Variants in FKBP9 observed in about 807,000 individuals in gnomAD.
FKBP9 encodes peptidyl-prolyl cis-trans isomerase FKBP9.
A neutral mutation model predicts 55.6 loss-of-function variants in FKBP9; 27 were observed. The observed-to-expected ratio is 0.49, with a 90% CI of 0.36 to 0.67. FKBP9 has a LOEUF of 0.67. Ranked by LOEUF, FKBP9 falls within the 30% of genes least tolerant of loss-of-function variation. FKBP9 has a pLI of 0.00. For synonymous variants in FKBP9, 267 were observed against 296.5 expected, an observed-to-expected ratio of 0.90 and a Z score of 1.02; for missense variants, 539 against 742.8, an observed-to-expected ratio of 0.73 and a Z score of 3.19.
At chr7:32,982,017 G>A (rs1224755818) in intron 5 of FKBP9, among the ~76,000 whole-genome samples, 1 of 144,836 alleles carries the variant, frequency 6.9e-6, no homozygotes, top group Non-Finnish European at 1.5e-5. Context: ...TTTTTCCAAT[G>A]TCTGGATTTT....
intron 2 of FKBP9, 66 bp downstream of exon 2, chr7:32,974,828 A>G (rs573908012): frequency 1.4e-6 from 2 of 1,420,582 alleles, no homozygotes; most frequent in Admixed American, 2.1e-5. Flanking sequence ...TAGGATGTTA[A>G]GTCAAACAGA....
chr7:32,982,501 T>C (rs922284967), intron 5 of FKBP9, among the ~76,000 whole-genome samples: 7 of 152,152 alleles, frequency 4.6e-5, no homozygotes, highest in African/African-American at 1.4e-4. Flanking sequence ...ATTTTTTACA[T>C]CTACATGGCG....
rs190468859 is a variant in FKBP9, at chr7:32,994,013, C to A, written c.1040-2150C>A. Among the ~76,000 whole-genome samples the A allele has an allele frequency of 2.0e-3, 311 of 152,278 alleles. 2 individuals are homozygous for A. Among genetic ancestry groups the A allele is most frequent in the African/African-American group, 7.2e-3 (299 of 41,556 alleles). The stretch of plus-strand genomic sequence containing the variant: ...ATATGAGTGTACAAATATCTGTTCG[C>A]ATCTCCAGCTTCAATTCTTTTGTAT... On this transcript the variant is annotated intron_variant, in intron 6 of 9. Coordinates refer to ENST00000242209, the MANE Select transcript of FKBP9 (RefSeq NM_007270.5).
rs747380192 is a variant in FKBP9, at chr7:32,996,113, T to A, written c.1040-50T>A. 15 of 1,571,652 alleles carry A rather than the reference T, an allele frequency of 9.5e-6. 1 individual carries two copies. The highest frequency in any genetic ancestry group is 1.3e-5 in the Non-Finnish European group (15 of 1,146,664). Reference sequence around the variant, plus strand: ...CCTGGTGACACTGGGGAGGCCCATGTGCTGCAGCCTGCAGGGGTCATTCAT... The same window carrying A: ...CCTGGTGACACTGGGGAGGCCCATGAGCTGCAGCCTGCAGGGGTCATTCAT... On this transcript the variant is annotated intron_variant, in intron 6 of 9. Transcript: ENST00000242209.
At position 32,963,797 on chromosome 7, in the gene FKBP9, A is replaced by C. The variant is rs141605937; in HGVS notation, c.221+6003A>C. On this transcript the variant is annotated intron_variant, in intron 1 of 9. Coordinates refer to ENST00000242209, the MANE Select transcript of FKBP9 (RefSeq NM_007270.5). ...CCAATAAGCTCCCCATGCTGCACAC[A>C]TGACCTCTGGGATCCAGCACCAGCG... 2,530 of 1,248,580 alleles carry C rather than the reference A, an allele frequency of 2.0e-3. 56 individuals carry two copies. In the African/African-American group the frequency reaches 0.036, roughly 18 times the overall value. 77.3% of individuals were successfully genotyped at this position (1,248,580 alleles called of 1,614,324 possible).
chr7:32,965,812 A>AAAAAAAAAT (rs1554284289), intron 1 of FKBP9, among the ~76,000 whole-genome samples: 3 of 34,936 alleles, frequency 8.6e-5, no homozygotes, highest in African/African-American at 3.7e-4. Flanking sequence ...AAAAAAAAAA[A>AAAAAAAAAT]ATATATATAT....
intron 1 of FKBP9, among the ~76,000 whole-genome samples, chr7:32,968,823 A>G (rs555913403): frequency 2.7e-5 from 4 of 147,484 alleles, no homozygotes; most frequent in Non-Finnish European, 3.0e-5. Flanking sequence ...ATGCCTGGCT[A>G]ATTTTTGTAT....
intron 5 of FKBP9, among the ~76,000 whole-genome samples, chr7:32,982,638 A>G (rs1784501769): frequency 6.6e-6 from 1 of 152,128 alleles, no homozygotes; most frequent in African/African-American, 2.4e-5. Context: ...TCTTTGTTAC[A>G]TTCCAGTGTG....
rs1783929163 is a variant in FKBP9 at position 32,957,736 on chromosome 7, G to A, written c.163G>A (p.Asp55Asn). The A allele has an allele frequency of 6.6e-7, 1 of 1,521,714 alleles. No individual in the cohort carries two copies. The highest frequency in any genetic ancestry group is 8.8e-7 in the Non-Finnish European group (1 of 1,138,492). The allele number at this position is 1,521,714 out of a possible 1,614,324, so 94.3% of individuals were successfully genotyped here. Residue 55 changes from aspartate (D) to asparagine (N), a missense_variant, in exon 1 of 10, where the codon GAC (aspartate) becomes AAC (asparagine). By Grantham distance (23) the Asp-to-Asn change is conservative (BLOSUM62 1). Transcript: ENST00000242209. ...DECPRTVRSG[D>N]FVRYHYVGTF... ...GTGCCCGCGCACCGTGCGCAGCGGC[G>A]ACTTCGTGCGCTACCACTACGTGGG...
At chr7:32,979,290 A>C (rs1009602715) in intron 4 of FKBP9, among the ~76,000 whole-genome samples, 4 of 152,226 alleles carry the variant, frequency 2.6e-5, no homozygotes, top group African/African-American at 9.6e-5. Flanking sequence ...AAAGAAAAGA[A>C]AAATTTAAAC....
At chr7:32,979,473 G>C in intron 4 of FKBP9, 1 of 1,522,496 alleles carries the variant, frequency 6.6e-7, no homozygotes, top group Non-Finnish European at 8.9e-7. Flanking sequence ...CCTTGGATGG[G>C]AAGGAGATGC....
rs780944160 is a variant in FKBP9 at position 33,002,714 on chromosome 7, A to T, written c.1411A>T (p.Ile471Phe). 11 of 1,614,058 alleles carry T rather than the reference A, an allele frequency of 6.8e-6. No homozygotes were observed. Among genetic ancestry groups the T allele is most frequent in the Admixed American group, 6.7e-5 (4 of 59,998 alleles). The change falls in exon 9 of 10, where the codon ATT becomes TTT. Residue 471 changes from isoleucine to phenylalanine, a missense_variant. Physicochemically the swap from Ile to Phe is conservative, Grantham distance 21. Transcript: ENST00000242209. Reference protein sequence around the residue: ...VPGSAVLVFDIELLELVAGLP... With the variant: ...VPGSAVLVFDFELLELVAGLP... ...CGGCAGTGCCGTATTAGTGTTTGACATTGAGCTGCTGGAGCTGGTGGCTGG... is the reference window on the plus strand; with the variant it reads ...CGGCAGTGCCGTATTAGTGTTTGACTTTGAGCTGCTGGAGCTGGTGGCTGG...
rs1476177114 is a variant in FKBP9 at position 33,005,500 on chromosome 7, G to T, written c.*149G>T. On this transcript the variant is annotated 3_prime_UTR_variant, in exon 10 of 10. Coordinates refer to ENST00000242209, the MANE Select transcript of FKBP9 (RefSeq NM_007270.5). Reference sequence around the variant, plus strand: ...CATAGTACCTGGTGTACACATCGGGGTGGGTTGATATATGGGGTGAGAAGT... The same window carrying T: ...CATAGTACCTGGTGTACACATCGGGTTGGGTTGATATATGGGGTGAGAAGT... 2 of 789,696 alleles carry T rather than the reference G, an allele frequency of 2.5e-6. No individual in the cohort carries two copies. Among genetic ancestry groups the T allele is most frequent in the Non-Finnish European group, 4.0e-6 (2 of 495,262 alleles). The allele number at this position is 789,696 out of a possible 1,614,324, so 48.9% of individuals were successfully genotyped here.
At chr7:32,975,489 A>G in intron 3 of FKBP9, 118 bp downstream of exon 3, 1 of 804,868 alleles carries the variant, frequency 1.2e-6, no homozygotes, top group South Asian at 1.7e-5. Flanking sequence ...TCTCAACTGT[A>G]ATCAGTACTG....
At chr7:33,003,306 A>G (rs919996326) in intron 9 of FKBP9, among the ~76,000 whole-genome samples, 4 of 152,168 alleles carry the variant, frequency 2.6e-5, no homozygotes. Context: ...CCCCTGGGGA[A>G]TTCCAGCTCC....
intron 6 of FKBP9, among the ~76,000 whole-genome samples, chr7:32,994,227 C>G (rs1233375865): frequency 6.6e-6 from 1 of 152,146 alleles, no homozygotes; most frequent in African/African-American, 2.4e-5. Context: ...CATTAGCGGT[C>G]ACTCTCCGTA....
At position 33,005,904 on chromosome 7, in the gene FKBP9, C is replaced by A. The variant is rs575634317; in HGVS notation, c.*553C>A. The A allele has an allele frequency of 1.7e-5, 4 of 232,632 alleles. No homozygotes were observed. Among genetic ancestry groups the A allele is most frequent in the Non-Finnish European group, 3.4e-5 (4 of 117,906 alleles). 14.4% of individuals were successfully genotyped at this position (232,632 alleles called of 1,614,324 possible). A position where few individuals can be genotyped will look rare whatever the true frequency, so the allele number is the denominator to read the frequency against. ...ATGGCCCCACCCCCGCACACGCACA[C>A]GCACATCATGCTTTTCCAGCTCATC... is the stretch of plus-strand genomic sequence containing the variant. On this transcript the variant is annotated 3_prime_UTR_variant, in exon 10 of 10. Transcript: ENST00000242209.
Position 32,974,600 on chromosome 7 carries a change from A to C in FKBP9, c.222-17A>C. 1.9e-6 allele frequency: 3 copies of C among 1,607,962 alleles called. No homozygotes were observed. The highest frequency in any genetic ancestry group is 2.5e-6 in the Non-Finnish European group (3 of 1,177,124). ...TTTATACTTTTCTTTCTCTTTCCCT[A>C]CCCTTTGGGCCTTCAGCTATGACAG... On this transcript the variant is annotated splice_polypyrimidine_tract_variant and intron_variant, in intron 1 of 9. Coordinates refer to ENST00000242209, the MANE Select transcript of FKBP9 (RefSeq NM_007270.5).
chr7:32,965,830 T>C (rs1308875042), intron 1 of FKBP9, among the ~76,000 whole-genome samples: 1 of 29,396 alleles, frequency 3.4e-5, no homozygotes, highest in African/African-American at 1.1e-4. Context: ...TATATATATA[T>C]ATATATATAT....
Sources: gnomAD v4.1 joint callset for allele counts (sites outside exome capture counted in the v4.1 genomes callset) on GRCh38, gnomAD v4.1.1 for gene constraint, MANE v1.5 for transcripts, NCBI Gene and HGNC (gene_info 2026-07-23, HGNC 2026-07-21) for gene names.